Variants in MAGI2 observed in about 807,000 individuals in gnomAD.
MAGI2 encodes membrane associated guanylate kinase, WW and PDZ domain containing 2.
A neutral mutation model predicts 133.3 loss-of-function variants in MAGI2; 35 were observed. The ratio of observed to expected loss-of-function variants is 0.26; its 90% CI spans 0.20 to 0.35. The LOEUF (loss-of-function observed/expected upper bound fraction) is 0.35, where lower values mean the gene tolerates loss of function less well. MAGI2 is among the 10% of genes least tolerant of loss of function. MAGI2 has a pLI of 1.00. For synonymous variants in MAGI2, 729 were observed against 710.6 expected, an observed-to-expected ratio of 1.03 and a Z score of -0.41; for missense variants, 1,636 against 1,863.4, an observed-to-expected ratio of 0.88 and a Z score of 2.25.
chr7:79,200,501 C>T (rs971801196), intron 1 of MAGI2, among the ~76,000 whole-genome samples: 1 of 150,744 alleles, frequency 6.6e-6, no homozygotes, highest in African/African-American at 2.5e-5. Flanking sequence ...GTCCCACCTA[C>T]TTGGGGGGCT....
intron 6 of MAGI2, among the ~76,000 whole-genome samples, chr7:78,438,738 G>A (rs10485887): frequency 0.39 from 58,738 of 151,980 alleles, 14,048 homozygotes; most frequent in Non-Finnish European, 0.53. Context: ...GCTTTGCAAG[G>A]CACAGAAATG....
intron 2 of MAGI2, among the ~76,000 whole-genome samples, chr7:78,919,643 T>A (rs1416061692): frequency 6.6e-6 from 1 of 152,092 alleles, no homozygotes; most frequent in African/African-American, 2.4e-5. Context: ...TAGAACATTT[T>A]AATATACGTG....
chr7:78,224,689 C>T (rs1057414435), intron 10 of MAGI2, among the ~76,000 whole-genome samples: 3 of 138,520 alleles, frequency 2.2e-5, no homozygotes, highest in East Asian at 2.6e-4. Context: ...GCAACAACAA[C>T]GTAAATTTTT....
intron 1 of MAGI2, among the ~76,000 whole-genome samples, chr7:79,420,224 G>A (rs1043381894): frequency 6.6e-6 from 1 of 152,018 alleles, no homozygotes; most frequent in African/African-American, 2.4e-5. Context: ...GGAATAGGTT[G>A]CACATGTTCA....
intron 1 of MAGI2, among the ~76,000 whole-genome samples, chr7:79,387,134 A>G (rs1844248479): frequency 2.6e-5 from 2 of 77,136 alleles, no homozygotes; most frequent in South Asian, 3.7e-4. Flanking sequence ...GTGTGTTAAC[A>G]TTAACTTAGA....
chr7:79,281,586 A>G (rs1774536920), intron 1 of MAGI2, among the ~76,000 whole-genome samples: 1 of 152,190 alleles, frequency 6.6e-6, no homozygotes, highest in Non-Finnish European at 1.5e-5. Flanking sequence ...AAAATAGAGC[A>G]TAAGAAAAAT....
intron 13 of MAGI2, chr7:78,184,698 A>G (rs1353989719): frequency 6.6e-6 from 1 of 152,212 alleles, no homozygotes; most frequent in Admixed American, 6.5e-5. Flanking sequence ...CAACATTTGT[A>G]CAATAATGTT....
chr7:78,249,326 T>C (rs927120786), intron 10 of MAGI2, among the ~76,000 whole-genome samples: 3 of 152,124 alleles, frequency 2.0e-5, no homozygotes, highest in Non-Finnish European at 2.9e-5. Context: ...ATATTAAAAA[T>C]AGAACTACTA....
intron 2 of MAGI2, among the ~76,000 whole-genome samples, chr7:78,824,450 CTT>C (rs1212381457): frequency 1.3e-5 from 2 of 152,152 alleles, no homozygotes; most frequent in African/African-American, 4.8e-5. Flanking sequence ...TCTTTCCTGA[CTT>C]TTTAATATTC....
chr7:79,244,416 C>A (rs999883606), intron 1 of MAGI2, among the ~76,000 whole-genome samples: 1 of 152,184 alleles, frequency 6.6e-6, no homozygotes, highest in African/African-American at 2.4e-5. Flanking sequence ...CCAGCATTGG[C>A]CACCTGGTGC....
intron 10 of MAGI2, among the ~76,000 whole-genome samples, chr7:78,233,837 T>C (rs1790228024): frequency 6.6e-6 from 1 of 152,144 alleles, no homozygotes; most frequent in African/African-American, 2.4e-5. Context: ...ACCTATAAAT[T>C]TTCTTTTGAA....
At position 79,448,467 on chromosome 7, in the gene MAGI2, C is replaced by T. The variant is rs114172558; in HGVS notation, c.301+4553G>A. On this transcript the variant is annotated intron_variant, in intron 1 of 21. Transcript: ENST00000354212. ...TTGCAATAGCATTTACTAAAATCTACATAATGCTTATCACCTGCCAGACAC... is the reference window on the plus strand; with the variant it reads ...TTGCAATAGCATTTACTAAAATCTATATAATGCTTATCACCTGCCAGACAC... Among the ~76,000 whole-genome samples the T allele has an allele frequency of 2.8e-3, 432 of 152,196 alleles. 2 individuals are homozygous for T. The highest frequency in any genetic ancestry group is 0.01 in the African/African-American group (419 of 41,532).
chr7:78,891,985 A>T (rs906971577), intron 2 of MAGI2, among the ~76,000 whole-genome samples: 1 of 152,144 alleles, frequency 6.6e-6, no homozygotes, highest in Non-Finnish European at 1.5e-5. Context: ...AAACTCAATC[A>T]TCTCAGCCCA....
intron 3 of MAGI2, among the ~76,000 whole-genome samples, chr7:78,606,895 T>A (rs1050105281): frequency 6.6e-6 from 1 of 152,108 alleles, no homozygotes; most frequent in Non-Finnish European, 1.5e-5. Flanking sequence ...GTTTCTTCCA[T>A]CAAAAAAAGA....
intron 1 of MAGI2, among the ~76,000 whole-genome samples, chr7:79,364,733 A>C (rs1842587127): frequency 6.6e-6 from 1 of 152,070 alleles, no homozygotes; most frequent in South Asian, 2.1e-4. Context: ...GGATCTGGCA[A>C]AAAAACTGAT....
chr7:78,703,719 T>C (rs920038956), intron 2 of MAGI2, among the ~76,000 whole-genome samples: 66 of 152,168 alleles, frequency 4.3e-4, no homozygotes, highest in African/African-American at 1.3e-3. Flanking sequence ...ACTTGTGTTT[T>C]GTTACCTGAA....
At chr7:79,451,339 C>T (rs1307389366) in intron 1 of MAGI2, among the ~76,000 whole-genome samples, 3 of 152,318 alleles carry the variant, frequency 2.0e-5, no homozygotes, top group South Asian at 2.1e-4. Flanking sequence ...GTAGACTTTT[C>T]GTACCCAAAG....
rs191852728 is a variant in MAGI2 at position 78,361,166 on chromosome 7, C to T, written c.1103+7990G>A. On this transcript the variant is annotated intron_variant, in intron 7 of 21. Transcript: ENST00000354212. ...ATCCTAGCACTTTGGGAGGCTGAGG[C>T]GGGTGGATCACGAGGTCAGGAGTTC... Among the ~76,000 whole-genome samples the T allele has an allele frequency of 1.3e-3, 198 of 152,106 alleles. 1 individual carries two copies. The highest frequency in any genetic ancestry group is 4.3e-3 in the African/African-American group (177 of 41,496).
intron 21 of MAGI2, among the ~76,000 whole-genome samples, chr7:78,033,472 C>CAAAAAAA (rs199985014): frequency 5.3e-5 from 7 of 132,358 alleles, no homozygotes; most frequent in African/African-American, 8.6e-5. Flanking sequence ...GAGCTTGTCT[C>CAAAAAAA]AAAAAAAAAA....
Sources: gnomAD v4.1 joint callset for allele counts (sites outside exome capture counted in the v4.1 genomes callset) on GRCh38, gnomAD v4.1.1 for gene constraint, MANE v1.5 for transcripts, NCBI Gene and HGNC (gene_info 2026-07-23, HGNC 2026-07-21) for gene names.